KATNAL1: variants seen among roughly 807,000 people sequenced by gnomAD.
The protein encoded by KATNAL1 is katanin catalytic subunit A1 like 1.
In KATNAL1, 32 loss-of-function variants were observed where a neutral mutation model predicts 55.2. The ratio of observed to expected loss-of-function variants is 0.58; its 90% CI spans 0.44 to 0.78. The LOEUF (loss-of-function observed/expected upper bound fraction) is 0.78. Ranked by LOEUF, KATNAL1 falls within the 30% of genes least tolerant of loss-of-function variation. KATNAL1 has a pLI of 0.00. For synonymous variants in KATNAL1, 193 were observed against 193.6 expected, an observed-to-expected ratio of 1.00 and a Z score of 0.02; for missense variants, 466 against 600.9, an observed-to-expected ratio of 0.78 and a Z score of 2.35.
intron 4 of KATNAL1, among the ~76,000 whole-genome samples, chr13:30,241,886 C>G (rs961951608): frequency 2.0e-5 from 3 of 152,186 alleles, no homozygotes; most frequent in African/African-American, 7.2e-5. Context: ...AGTGACCAAA[C>G]AGTATTCTGG....
chr13:30,215,775 T>C (rs1223954721), intron 9 of KATNAL1, among the ~76,000 whole-genome samples: 1 of 126,750 alleles, frequency 7.9e-6, no homozygotes, highest in Non-Finnish European at 1.7e-5. Context: ...GGGACTGTTG[T>C]GGGGTGGGGG....
chr13:30,274,818 A>G (rs1352943859), intron 3 of KATNAL1, among the ~76,000 whole-genome samples: 1 of 152,020 alleles, frequency 6.6e-6, no homozygotes, highest in Non-Finnish European at 1.5e-5. Flanking sequence ...AACAAACTAA[A>G]CATACATTGA....
At chr13:30,210,231 C>G (rs1873542283) in intron 10 of KATNAL1, 85 bp downstream of exon 10, 1 of 1,145,876 alleles carries the variant, frequency 8.7e-7, no homozygotes, top group Non-Finnish European at 1.2e-6. Flanking sequence ...TCTAACTACA[C>G]TGGGCTAACT....
rs763176965 is a variant in KATNAL1 at position 30,283,788 on chromosome 13, A to G, written c.-11T>C. ...CTCAGCCAAATTCATCTTCTTTCAG[A>G]GACCTAAACATAAAATATAATGACT... On this transcript the variant is annotated 5_prime_UTR_variant, in exon 2 of 11. Coordinates refer to ENST00000380615, the MANE Select transcript of KATNAL1 (RefSeq NM_032116.5). 1.2e-5 allele frequency: 19 copies of G among 1,598,338 alleles called. No individual in the cohort carries two copies. The highest frequency in any genetic ancestry group is 1.7e-5 in the Admixed American group (1 of 58,660).
chr13:30,231,594 G>T, intron 6 of KATNAL1, 122 bp from the exon 7 acceptor site: 1 of 560,078 alleles, frequency 1.8e-6, no homozygotes, highest in Non-Finnish European at 2.8e-6. Context: ...AATTGTCACA[G>T]TAAAATCATG....
In KATNAL1 at chr13:30,231,323, C is replaced by G; in HGVS notation, c.876G>C (p.Leu292Phe). ...RGESEKLVRL[L>F]FEMARFYAPT... ...ATATATCGTCACTCACCATCTCAAACAACAGACGAACTAACTTCTCAGATT... is the reference window on the plus strand; with the variant it reads ...ATATATCGTCACTCACCATCTCAAAGAACAGACGAACTAACTTCTCAGATT... Residue 292 changes from leucine (L) to phenylalanine (F), a missense_variant, in exon 7 of 11, where the codon TTG becomes TTC. This residue lies in a region of KATNAL1 where 213 missense variants were observed against 308.6 expected (regional missense o/e 0.69). Coordinates refer to ENST00000380615, the MANE Select transcript of KATNAL1 (RefSeq NM_032116.5). 1 of 1,606,764 alleles carries G rather than the reference C, an allele frequency of 6.2e-7. No homozygotes were observed. The highest frequency in any genetic ancestry group is 8.5e-7 in the Non-Finnish European group (1 of 1,176,482).
intron 9 of KATNAL1, among the ~76,000 whole-genome samples, chr13:30,216,092 T>C (rs1268151963): frequency 6.6e-6 from 1 of 152,140 alleles, no homozygotes; most frequent in Non-Finnish European, 1.5e-5. Context: ...TGTGGTAACA[T>C]GGATAAATCT....
intron 4 of KATNAL1, among the ~76,000 whole-genome samples, chr13:30,245,842 G>T (rs1877738722): frequency 6.6e-6 from 1 of 152,118 alleles, no homozygotes; most frequent in Non-Finnish European, 1.5e-5. Flanking sequence ...ACTTACAAGG[G>T]ATGTGTAGGA....
intron 1 of KATNAL1, among the ~76,000 whole-genome samples, chr13:30,298,720 G>A (rs1032877710): frequency 3.3e-5 from 5 of 152,088 alleles, no homozygotes; most frequent in African/African-American, 1.2e-4. Flanking sequence ...AGTGGACTGA[G>A]GAAGCAAGAG....
intron 10 of KATNAL1, among the ~76,000 whole-genome samples, chr13:30,209,842 C>T (rs542757458): frequency 5.9e-5 from 9 of 152,016 alleles, no homozygotes; most frequent in Admixed American, 1.3e-4. Context: ...AGTGCAGTGG[C>T]GCGATCTCGG....
intron 3 of KATNAL1, among the ~76,000 whole-genome samples, chr13:30,270,396 C>G (rs865946150): frequency 6.6e-6 from 1 of 151,640 alleles, no homozygotes; most frequent in East Asian, 1.9e-4. Flanking sequence ...CCCCTCTGCC[C>G]GGCCACCACC....
At chr13:30,234,749 C>A (rs1040200689) in intron 6 of KATNAL1, among the ~76,000 whole-genome samples, 4 of 152,180 alleles carry the variant, frequency 2.6e-5, no homozygotes, top group Non-Finnish European at 5.9e-5. Flanking sequence ...TCTATTTAAG[C>A]CTGCTCCTTT....
rs760073526 is a variant in KATNAL1, at chr13:30,240,515, A to G, written c.671T>C (p.Val224Ala). ...GTCAGGCATCCACATTGGAAGAACA[A>G]CAGCTTCCCTTAGCAACTTCTTAGC... is the stretch of plus-strand genomic sequence containing the variant. ...EEAKKLLREA[V>A]VLPMWMPDFF... Residue 224 changes from valine (V) to alanine (A), a missense_variant, in exon 6 of 11, where the codon GTT (valine) becomes GCT (alanine). Val to Ala is a moderately conservative substitution (Grantham distance 64). Around this residue, in one of 3 missense-constraint regions of KATNAL1, gnomAD observed 248 missense variants for 275.5 expected, o/e 0.90. Coordinates refer to ENST00000380615, the MANE Select transcript of KATNAL1 (RefSeq NM_032116.5). 1.2e-6 allele frequency: 2 copies of G among 1,613,868 alleles called. No homozygotes were observed. The highest frequency in any genetic ancestry group is 1.1e-5 in the South Asian group (1 of 91,062).
chr13:30,231,626 T>C (rs915485899), intron 6 of KATNAL1, among the ~76,000 whole-genome samples, 154 bp from the exon 7 acceptor site: 1 of 152,192 alleles, frequency 6.6e-6, no homozygotes. Flanking sequence ...AAGAGTATTA[T>C]TTTATAGCTA....
At chr13:30,214,553 T>C (rs1593830112) in intron 9 of KATNAL1, among the ~76,000 whole-genome samples, 1 of 152,154 alleles carries the variant, frequency 6.6e-6, no homozygotes, top group African/African-American at 2.4e-5. Context: ...CAAAACAGCA[T>C]GGTACTGGTA....
chr13:30,210,143 A>G (rs931353654), intron 10 of KATNAL1, among the ~76,000 whole-genome samples, 173 bp downstream of exon 10: 12 of 151,240 alleles, frequency 7.9e-5, no homozygotes, highest in African/African-American at 2.9e-4. Flanking sequence ...TTCATCTCAC[A>G]ATGAAAAATA....
intron 1 of KATNAL1, among the ~76,000 whole-genome samples, chr13:30,291,379 T>C (rs1229591307): frequency 2.0e-5 from 3 of 152,242 alleles, no homozygotes; most frequent in African/African-American, 7.2e-5. Context: ...GCAAGATCTG[T>C]AACCTGAGAA....
chr13:30,274,880 TGCACACACATAC>T (rs1339608319), intron 3 of KATNAL1, among the ~76,000 whole-genome samples: 43 of 138,170 alleles, frequency 3.1e-4, no homozygotes, highest in African/African-American at 1.2e-3. Context: ...GCGGGGTGTG[TGCACACACATAC>T]GCGCGCGCGC....
chr13:30,276,585 G>T (rs1880864211), intron 3 of KATNAL1, among the ~76,000 whole-genome samples: 1 of 150,866 alleles, frequency 6.6e-6, no homozygotes, highest in Non-Finnish European at 1.5e-5. Flanking sequence ...GACTTAAATT[G>T]TAATTTCAGT....
Sources: gnomAD v4.1 joint callset for allele counts (sites outside exome capture counted in the v4.1 genomes callset) on GRCh38, gnomAD v4.1.1 for gene constraint, gnomAD v4.1.1 regional missense constraint, MANE v1.5 for transcripts, NCBI Gene and HGNC (gene_info 2026-07-23, HGNC 2026-07-21) for gene names.